The following ADAMTS18 variants were observed in gnomAD, a reference collection of about 807,000 sequenced individuals.
The protein encoded by ADAMTS18 is A disintegrin and metalloproteinase with thrombospondin motifs 18.
In ADAMTS18, 157 loss-of-function variants were observed where a neutral mutation model predicts 165.9. That is an observed-to-expected ratio of 0.95 (90% confidence interval 0.83 to 1.08). ADAMTS18 has a LOEUF of 1.08. Ranked by LOEUF, ADAMTS18 falls within the 50% of genes least tolerant of loss-of-function variation. The pLI, the probability that ADAMTS18 is intolerant of heterozygous loss-of-function variation, is 0.00. For synonymous variants in ADAMTS18, 782 were observed against 578.2 expected (o/e 1.35, Z -5.06); for missense variants, 2,040 against 1,534.0 (o/e 1.33, Z -5.51).
intron 3 of ADAMTS18, among the ~76,000 whole-genome samples, chr16:77,379,254 C>T (rs746765426): frequency 2.6e-5 from 4 of 152,270 alleles, no homozygotes; most frequent in Admixed American, 6.5e-5. Flanking sequence ...CTCCAGCCTT[C>T]GTCCATTCTG....
Position 77,302,513 on chromosome 16 carries a change from G to A in ADAMTS18, c.2533-2109C>T, listed in dbSNP as rs74025787. Reference sequence around the variant, plus strand: ...CAAAGAGGTCGCATCACACACATACGCACATAGTAGGGGCAAGCTTAAGTA... The same window carrying A: ...CAAAGAGGTCGCATCACACACATACACACATAGTAGGGGCAAGCTTAAGTA... On this transcript the variant is annotated intron_variant, in intron 16 of 22. Coordinates refer to ENST00000282849, the MANE Select transcript of ADAMTS18 (RefSeq NM_199355.4). Among the ~76,000 whole-genome samples, 1,432 of 152,160 alleles carry A rather than the reference G, an allele frequency of 9.4e-3. 31 individuals carry two copies. The highest frequency in any genetic ancestry group is 0.034 in the African/African-American group (1,392 of 41,512).
At chr16:77,294,388 C>T (rs972588587) in intron 19 of ADAMTS18, among the ~76,000 whole-genome samples, 5 of 152,156 alleles carry the variant, frequency 3.3e-5, no homozygotes, top group Admixed American at 3.3e-4. Flanking sequence ...AACTTACCCA[C>T]GGTTGAGAAC....
At chr16:77,292,507 C>T (rs950873931) in intron 20 of ADAMTS18, among the ~76,000 whole-genome samples, 2 of 152,174 alleles carry the variant, frequency 1.3e-5, no homozygotes, top group African/African-American at 4.8e-5. Context: ...TCAGGCCATG[C>T]TCCCTAGAAA....
intron 3 of ADAMTS18, among the ~76,000 whole-genome samples, chr16:77,388,879 G>A (rs542319660): frequency 6.6e-6 from 1 of 152,148 alleles, no homozygotes; most frequent in Non-Finnish European, 1.5e-5. Flanking sequence ...AGTGTTTGTC[G>A]ATTTAATGAC....
chr16:77,335,847 C>G lies in ADAMTS18; in HGVS notation c.1768G>C (p.Gly590Arg), dbSNP rs1314087753. 6.2e-7 allele frequency: 1 copy of G among 1,614,146 alleles called. No homozygotes were observed. Among genetic ancestry groups the G allele is most frequent in the East Asian group, 2.2e-5 (1 of 44,872 alleles). Reference sequence around the variant, plus strand: ...CACTTCGACCAGGCGGACCACTGGCCGTGGATGGGCCGGGGCCCGAGCTCC... The same window carrying G: ...CACTTCGACCAGGCGGACCACTGGCGGTGGATGGGCCGGGGCCCGAGCTCC... The part of the protein sequence containing the change: ...FGELGPRPIH[G>R]QWSAWSKWSE... The change falls in exon 12 of 23, where the codon GGC (glycine) becomes CGC (arginine). Residue 590 changes from glycine (G) to arginine (R), a missense_variant. Physicochemically the swap from Gly to Arg is moderately radical, Grantham distance 125 (BLOSUM62 -2). Transcript: ENST00000282849.
chr16:77,362,427 T>C (rs941626225), intron 6 of ADAMTS18, among the ~76,000 whole-genome samples, 163 bp from the exon 7 acceptor site: 2 of 152,232 alleles, frequency 1.3e-5, no homozygotes, highest in Non-Finnish European at 2.9e-5. Flanking sequence ...TTTAGGTAAA[T>C]GCTCACAATA....
intron 11 of ADAMTS18, among the ~76,000 whole-genome samples, chr16:77,338,240 G>C (rs2056341916): frequency 6.6e-6 from 1 of 151,782 alleles, no homozygotes; most frequent in Non-Finnish European, 1.5e-5. Context: ...CTTTGTTGTT[G>C]TTGTTGTTGT....
At chr16:77,417,262 G>C (rs998100757) in intron 3 of ADAMTS18, among the ~76,000 whole-genome samples, 1 of 152,090 alleles carries the variant, frequency 6.6e-6, no homozygotes, top group South Asian at 2.1e-4. Context: ...GGGAGGATAG[G>C]TGGGTGGGTG....
rs749804100 is a variant in ADAMTS18 at position 77,320,040 on chromosome 16, C to T, written c.2341G>A (p.Glu781Lys). The T allele has an allele frequency of 6.8e-6, 11 of 1,613,928 alleles. No individual in the cohort carries two copies. In the East Asian group the frequency reaches 2.2e-4, roughly 33 times the overall value. The part of the protein sequence containing the change: ...PAGARSIEIQ[E>K]LQVSSSYLAV... ...AGGTAACTGGAGGAAACCTGCAGCTCCTGGATTTCGATGCTTCGGGCGCCA... is the reference window on the plus strand; with the variant it reads ...AGGTAACTGGAGGAAACCTGCAGCTTCTGGATTTCGATGCTTCGGGCGCCA... The change falls in exon 16 of 23, where the codon GAG becomes AAG. Residue 781 changes from glutamate (E) to lysine (K), a missense_variant. Glu to Lys is a moderately conservative substitution (Grantham distance 56). Transcript: ENST00000282849.
intron 3 of ADAMTS18, among the ~76,000 whole-genome samples, chr16:77,386,774 C>G (rs1239908980): frequency 6.6e-6 from 1 of 152,078 alleles, no homozygotes; most frequent in African/African-American, 2.4e-5. Context: ...TCCATATATA[C>G]CCAAAGATAG....
intron 16 of ADAMTS18, among the ~76,000 whole-genome samples, chr16:77,313,049 G>T (rs1597108794): frequency 6.6e-6 from 1 of 152,270 alleles, no homozygotes; most frequent in East Asian, 1.9e-4. Flanking sequence ...CAACCCAAAT[G>T]TCCAAGAATG....
chr16:77,361,094 T>A (rs1453622322), intron 7 of ADAMTS18, among the ~76,000 whole-genome samples: 2 of 151,738 alleles, frequency 1.3e-5, no homozygotes, highest in South Asian at 2.1e-4. Context: ...CTCAAAAAAA[T>A]AAAAAAAATT....
rs925253672 is a variant in ADAMTS18 at position 77,422,909 on chromosome 16, G to C, written c.495+8386C>G. ...TACATGGTGTGATGCATTCCACAAAGCAAAAACAACTCTCCCAGAGAGGTT... is the reference window on the plus strand; with the variant it reads ...TACATGGTGTGATGCATTCCACAAACCAAAAACAACTCTCCCAGAGAGGTT... On this transcript the variant is annotated intron_variant, in intron 3 of 22. Coordinates refer to ENST00000282849, the MANE Select transcript of ADAMTS18 (RefSeq NM_199355.4). Among the ~76,000 whole-genome samples the C allele has an allele frequency of 7.9e-5, 12 of 152,204 alleles. No homozygotes were observed. The East Asian group carries it at 2.3e-3, about 29-fold the overall frequency.
At chr16:77,302,363 CAG>C (rs1033308430) in intron 16 of ADAMTS18, among the ~76,000 whole-genome samples, 2 of 152,004 alleles carry the variant, frequency 1.3e-5, no homozygotes, top group Admixed American at 6.6e-5. Flanking sequence ...AACAAAAATG[CAG>C]AGACCTTGTA....
chr16:77,306,775 A>G (rs1417980548), intron 16 of ADAMTS18, among the ~76,000 whole-genome samples: 1 of 152,200 alleles, frequency 6.6e-6, no homozygotes, highest in Non-Finnish European at 1.5e-5. Context: ...TGATAACGAC[A>G]TTAAGAAGAA....
intron 12 of ADAMTS18, among the ~76,000 whole-genome samples, chr16:77,331,012 A>C (rs1244698210): frequency 6.6e-6 from 1 of 152,242 alleles, no homozygotes. Flanking sequence ...AGAGCCTATC[A>C]TCTACTTGTT....
chr16:77,367,294 C>G, intron 4 of ADAMTS18, 147 bp downstream of exon 4: 2 of 836,934 alleles, frequency 2.4e-6, no homozygotes, highest in East Asian at 2.6e-5. Context: ...CAGCATTTGC[C>G]TGAGAGAGAT....
At chr16:77,410,292 G>GAAAAAAAAA (rs11376240) in intron 3 of ADAMTS18, among the ~76,000 whole-genome samples, 1 of 141,278 alleles carries the variant, frequency 7.1e-6, no homozygotes. Flanking sequence ...ACCCAAATTT[G>GAAAAAAAAA]AAAAAAAAAA....
rs765514956 is a variant in ADAMTS18 at position 77,353,858 on chromosome 16, C to T, written c.1489G>A (p.Glu497Lys). The T allele has an allele frequency of 5.6e-6, 9 of 1,614,176 alleles. No individual in the cohort carries two copies. Among genetic ancestry groups the T allele is most frequent in the Non-Finnish European group, 7.6e-6 (9 of 1,180,026 alleles). ...TTATACTGTCCTGCTTGCTTGGGCT[C>T]ATCCACTAGACACCCCGCCTGAGGT... Reference protein sequence around the residue: ...STPQAGCLVDEPKQAGQYKYP... With the variant: ...STPQAGCLVDKPKQAGQYKYP... Residue 497 changes from glutamate to lysine, a missense_variant, in exon 10 of 23, where the codon GAG becomes AAG. Physicochemically the swap from Glu to Lys is moderately conservative, Grantham distance 56. Coordinates refer to ENST00000282849, the MANE Select transcript of ADAMTS18 (RefSeq NM_199355.4).
Sources: gnomAD v4.1 joint callset for allele counts (sites outside exome capture counted in the v4.1 genomes callset) on GRCh38, gnomAD v4.1.1 for gene constraint, MANE v1.5 for transcripts, NCBI Gene and HGNC (gene_info 2026-07-23, HGNC 2026-07-21) for gene names.